The following MAGI2 variants were observed in gnomAD, a reference collection of about 807,000 sequenced individuals.
MAGI2 encodes membrane associated guanylate kinase, WW and PDZ domain containing 2, also known as membrane-associated guanylate kinase, WW and PDZ domain-containing protein 2.
A neutral mutation model predicts 133.3 loss-of-function variants in MAGI2; 35 were observed. The ratio of observed to expected loss-of-function variants is 0.26; its 90% confidence interval spans 0.20 to 0.35. MAGI2 has a LOEUF of 0.35. Ranked by LOEUF, MAGI2 falls within the 10% of genes least tolerant of loss-of-function variation. MAGI2 has a pLI of 1.00. For missense variants in MAGI2, 1,636 were observed against 1,863.4 expected (o/e 0.88, Z 2.25); for synonymous variants, 729 against 710.6 (o/e 1.03, Z -0.41).
chr7:78,461,637 C>T (rs751413446), intron 6 of MAGI2, among the ~76,000 whole-genome samples: 52 of 151,870 alleles, frequency 3.4e-4, no homozygotes, highest in Admixed American at 7.2e-4. Flanking sequence ...GCAGGCCAGA[C>T]GCAGTGGCTC....
chr7:79,281,867 G>T (rs917658913), intron 1 of MAGI2, among the ~76,000 whole-genome samples: 4 of 152,054 alleles, frequency 2.6e-5, no homozygotes, highest in African/African-American at 9.7e-5. Context: ...AATCTTGAAA[G>T]AATATTTAAA....
At chr7:79,108,473 G>T (rs1184008320) in intron 1 of MAGI2, among the ~76,000 whole-genome samples, 3 of 152,168 alleles carry the variant, frequency 2.0e-5, no homozygotes, top group African/African-American at 7.2e-5. Flanking sequence ...AGAAATATCT[G>T]ATGGAAATAC....
chr7:78,953,377 C>A (rs891958041), intron 2 of MAGI2, among the ~76,000 whole-genome samples: 1 of 152,044 alleles, frequency 6.6e-6, no homozygotes, highest in African/African-American at 2.4e-5. Context: ...AAGTGTTGCT[C>A]CAGAATGGAT....
intron 2 of MAGI2, among the ~76,000 whole-genome samples, chr7:78,739,805 G>A (rs557084511): frequency 7.2e-5 from 11 of 152,228 alleles, no homozygotes; most frequent in African/African-American, 2.4e-4. Flanking sequence ...GAACTTGAAC[G>A]GGTTTCCCTC....
rs143639721 is a variant in MAGI2 at position 78,381,713 on chromosome 7, T to C, written c.1046-12500A>G. Among the ~76,000 whole-genome samples, 241 of 152,324 alleles carry C rather than the reference T, an allele frequency of 1.6e-3. 2 individuals carry two copies. Among genetic ancestry groups the C allele is most frequent in the African/African-American group, 5.6e-3 (231 of 41,578 alleles). ...AAATGGGTAAAGATGTTCTACCTCC[T>C]TCATTATAGAAGAAATGCAAATTAA... is the stretch of plus-strand genomic sequence containing the variant. On this transcript the variant is annotated intron_variant, in intron 6 of 21. Coordinates refer to ENST00000354212, the MANE Select transcript of MAGI2 (RefSeq NM_012301.4).
intron 6 of MAGI2, among the ~76,000 whole-genome samples, chr7:78,473,460 CT>C (rs1415144277): frequency 5.3e-5 from 8 of 152,040 alleles, no homozygotes; most frequent in Non-Finnish European, 5.9e-5. Context: ...TCAACCTCAG[CT>C]TTAGTCATAA....
chr7:79,202,393 C>A (rs572752462), intron 1 of MAGI2, among the ~76,000 whole-genome samples: 2 of 151,706 alleles, frequency 1.3e-5, no homozygotes, highest in African/African-American at 2.4e-5. Flanking sequence ...TTGTATAAAC[C>A]TGGTTTATAC....
At chr7:79,327,814 T>C (rs1482188130) in intron 1 of MAGI2, among the ~76,000 whole-genome samples, 1 of 152,166 alleles carries the variant, frequency 6.6e-6, no homozygotes. Flanking sequence ...CAGAAAAATC[T>C]ACTGTTAATG....
chr7:78,700,333 T>C (rs1817939920), intron 2 of MAGI2, among the ~76,000 whole-genome samples: 1 of 152,118 alleles, frequency 6.6e-6, no homozygotes, highest in Non-Finnish European at 1.5e-5. Flanking sequence ...AAAAGCATGG[T>C]CAGTGTAGGA....
chr7:78,118,258 A>C (rs960196505), intron 20 of MAGI2, among the ~76,000 whole-genome samples: 3 of 152,204 alleles, frequency 2.0e-5, no homozygotes, highest in African/African-American at 7.2e-5. Context: ...CTATAAGATA[A>C]CATAGCAGAA....
intron 3 of MAGI2, among the ~76,000 whole-genome samples, chr7:78,623,740 T>C (rs1228221919): frequency 6.6e-6 from 1 of 152,150 alleles, no homozygotes; most frequent in Admixed American, 6.6e-5. Context: ...TATTGAGTTC[T>C]TGAATAACTA....
chr7:78,706,678 T>C (rs959729641), intron 2 of MAGI2, among the ~76,000 whole-genome samples: 1 of 152,076 alleles, frequency 6.6e-6, no homozygotes, highest in Non-Finnish European at 1.5e-5. Flanking sequence ...CACATTTAAA[T>C]TATCGACTCC....
chr7:78,576,027 T>C (rs1457620679), intron 3 of MAGI2, among the ~76,000 whole-genome samples: 1 of 152,140 alleles, frequency 6.6e-6, no homozygotes, highest in Non-Finnish European at 1.5e-5. Context: ...CTCTGTACTA[T>C]TTTTGTACAT....
chr7:78,134,828 G>A (rs962752687), intron 17 of MAGI2, 193 bp downstream of exon 17: 14 of 565,578 alleles, frequency 2.5e-5, no homozygotes, highest in African/African-American at 2.4e-4. Flanking sequence ...AACAGGTACT[G>A]AGTAAACAAG....
intron 1 of MAGI2, among the ~76,000 whole-genome samples, chr7:79,334,443 A>T (rs1840293225): frequency 6.6e-6 from 1 of 152,130 alleles, no homozygotes; most frequent in Non-Finnish European, 1.5e-5. Context: ...TTATAATTTC[A>T]TTAAAAGCCC....
chr7:78,546,297 C>T (rs1000295624), intron 3 of MAGI2, among the ~76,000 whole-genome samples: 3 of 152,140 alleles, frequency 2.0e-5, no homozygotes, highest in African/African-American at 7.2e-5. Flanking sequence ...ACCACCACCA[C>T]TATCATTATT....
rs376692272 is a variant in MAGI2 at position 79,438,992 on chromosome 7, T to G, written c.301+14028A>C. On this transcript the variant is annotated intron_variant, in intron 1 of 21. Transcript: ENST00000354212. ...AATTTTTAGGTTTCTAAGTAAGGCCTTCCTTTATATGGCTCCAAGTTTCCT... is the reference window on the plus strand; with the variant it reads ...AATTTTTAGGTTTCTAAGTAAGGCCGTCCTTTATATGGCTCCAAGTTTCCT... Among the ~76,000 whole-genome samples, 7 of 152,288 alleles carry G rather than the reference T, an allele frequency of 4.6e-5. No individual in the cohort carries two copies. The East Asian group carries it at 1.2e-3, about 25-fold the overall frequency.
chr7:78,129,795 C>T (rs565203350), intron 18 of MAGI2, among the ~76,000 whole-genome samples: 18 of 151,908 alleles, frequency 1.2e-4, no homozygotes, highest in Admixed American at 2.0e-4. Flanking sequence ...ATTAGCCGGG[C>T]GTGGTGGCAC....
chr7:79,282,847 A>T (rs1490633407), intron 1 of MAGI2, among the ~76,000 whole-genome samples: 2 of 152,140 alleles, frequency 1.3e-5, no homozygotes. Context: ...CAGCTAGTTG[A>T]GCAGTAGAAT....
Sources: allele counts gnomAD v4.1 joint callset (sites outside exome capture counted in the v4.1 genomes callset), GRCh38; gene constraint gnomAD v4.1.1; transcripts MANE v1.5; gene names NCBI Gene and HGNC (gene_info 2026-07-23, HGNC 2026-07-21).